Variants in SZT2 observed in about 807,000 individuals in gnomAD.
The protein encoded by SZT2 is KICSTOR complex protein SZT2.
SZT2 carries 216 observed loss-of-function variants against 404.2 expected under a neutral mutation model. The ratio of observed to expected loss-of-function variants is 0.53; its 90% CI spans 0.48 to 0.60. SZT2 has a LOEUF of 0.60. SZT2 is among the 20% of genes least tolerant of loss of function. The pLI is 0.00. For missense variants in SZT2, 3,857 were observed against 4,459.2 expected (o/e 0.86, Z 3.85); for synonymous variants, 1,693 against 1,749.9 (o/e 0.97, Z 0.81).
intron 63 of SZT2, 36 bp from the exon 64 acceptor site, chr1:43,446,143 A>G (rs1267908923): frequency 2.5e-6 from 4 of 1,612,654 alleles, no homozygotes; most frequent in Non-Finnish European, 3.4e-6. Context: ...GAGGCTGGTG[A>G]GCCCCCAAAC....
In SZT2 at chr1:43,427,429, T is replaced by C. The variant is rs140788949; in HGVS notation, c.3582T>C (p.Ser1194=). ...CAAAGTCCCACGTCCCTGTCCTCAG[T>C]GTGACCCTGGCTAGTGGTAAGGCTG... ...KATKSHVPVL[S]VTLASDNAQN... The change falls in exon 25 of 72, where the codon AGT becomes AGC. Residue 1194 remains serine (S), a synonymous_variant. Coordinates refer to ENST00000634258, the MANE Select transcript of SZT2 (RefSeq NM_001365999.1). The C allele has an allele frequency of 9.1e-4, 1,470 of 1,612,982 alleles. 19 individuals carry two copies. The African/African-American group carries it at 0.018, about 20-fold the overall frequency.
In SZT2 at chr1:43,451,391, C is replaced by A; in HGVS notation, c.*911C>A. ...GTCCGGGTCCCTCCAGAGCTCCCTT[C>A]CCCAGGGCCACGCCTCACCTCGAGG... On this transcript the variant is annotated 3_prime_UTR_variant, in exon 72 of 72. Transcript: ENST00000634258. The A allele has an allele frequency of 6.2e-7, 1 of 1,611,974 alleles. No individual in the cohort carries two copies. Among genetic ancestry groups the A allele is most frequent in the Non-Finnish European group, 8.5e-7 (1 of 1,180,018 alleles).
intron 42 of SZT2, 37 bp downstream of exon 42, chr1:43,435,366 T>G: frequency 6.2e-7 from 1 of 1,610,802 alleles, no homozygotes; most frequent in Middle Eastern, 1.7e-4. Flanking sequence ...CACAAGGCAG[T>G]GCTGCCGCCC....
At position 43,431,976 on chromosome 1, in the gene SZT2, G is replaced by A. The variant is rs141172404; in HGVS notation, c.5274+75G>A. The A allele has an allele frequency of 1.2e-3, 1,916 of 1,552,946 alleles. 23 individuals are homozygous for A. In the African/African-American group the frequency reaches 0.023, roughly 18 times the overall value. On this transcript the variant is annotated intron_variant, in intron 36 of 71. Coordinates refer to ENST00000634258, the MANE Select transcript of SZT2 (RefSeq NM_001365999.1). ...CTGGGCCCCAGGCACAGGACTGGAA[G>A]GCCCTCTGTTAGTTCGAACTCATAG... is the stretch of plus-strand genomic sequence containing the variant.
intron 5 of SZT2, 140 bp from the exon 6 acceptor site, chr1:43,415,820 C>A (rs1404221013): frequency 2.1e-6 from 2 of 975,486 alleles, no homozygotes; most frequent in Non-Finnish European, 2.9e-6. Context: ...CAAGACTCAG[C>A]CGCATAGTAG....
chr1:43,443,092 G>A lies in SZT2; in HGVS notation c.8419+6G>A. The A allele has an allele frequency of 6.2e-7, 1 of 1,611,490 alleles. No homozygotes were observed. The highest frequency in any genetic ancestry group is 1.1e-5 in the South Asian group (1 of 90,844). ...CAAGATGGCAGAGCGCAGAGGTGAGGGTACTGGGCCAGGCAGCAGGGACAG... is the reference window on the plus strand; with the variant it reads ...CAAGATGGCAGAGCGCAGAGGTGAGAGTACTGGGCCAGGCAGCAGGGACAG... On this transcript the variant is annotated splice_donor_region_variant and intron_variant, in intron 59 of 71. Coordinates refer to ENST00000634258, the MANE Select transcript of SZT2 (RefSeq NM_001365999.1).
At position 43,419,925 on chromosome 1, in the gene SZT2, G is replaced by A. The variant is rs1476458091; in HGVS notation, c.1071G>A (p.Leu357=). 3 of 1,598,320 alleles carry A rather than the reference G, an allele frequency of 1.9e-6. No homozygotes were observed. Among genetic ancestry groups the A allele is most frequent in the East Asian group, 4.5e-5 (2 of 44,882 alleles). The part of the protein sequence containing the change: ...LYSFLRSGEA[L]NPEYYCGSQH... ...CCTTCCTGCGCAGTGGGGAAGCACT[G>A]AACCCTGAATATTACTGCGGTGAGA... The change falls in exon 8 of 72, where the codon CTG becomes CTA. Residue 357 remains leucine (L), a synonymous_variant. Coordinates refer to ENST00000634258, the MANE Select transcript of SZT2 (RefSeq NM_001365999.1).
chr1:43,451,958 T>C lies in SZT2; in HGVS notation c.*1478T>C, dbSNP rs1656483274. On this transcript the variant is annotated 3_prime_UTR_variant, in exon 72 of 72. Coordinates refer to ENST00000634258, the MANE Select transcript of SZT2 (RefSeq NM_001365999.1). The stretch of plus-strand genomic sequence containing the variant: ...ACCCTGCTGGGGCGTGTCCAGGAAG[T>C]ACTGGGGGTCAGTGATGCGGGTGTT... 1 of 1,612,258 alleles carries C rather than the reference T, an allele frequency of 6.2e-7. No individual in the cohort carries two copies.
intron 70 of SZT2, chr1:43,449,284 G>A (rs1177859363): frequency 1.2e-5 from 2 of 162,670 alleles, no homozygotes; most frequent in Non-Finnish European, 2.7e-5. Flanking sequence ...AGCCCACAGA[G>A]ATGGGCCCAG....
rs972433934 is a variant in SZT2 at position 43,429,713 on chromosome 1, G to A, written c.4177G>A (p.Glu1393Lys). 9 of 1,614,172 alleles carry A rather than the reference G, an allele frequency of 5.6e-6. No individual in the cohort carries two copies. The highest frequency in any genetic ancestry group is 1.6e-4 in the Middle Eastern group (1 of 6,062). ...ILASESSIET[E>K]DLSEPEFQST... ...ACCCCAACCATTCAGCATAGAGACC[G>A]AGGACCTAAGCGAGCCTGAGTTTCA... The change falls in exon 29 of 72, where the codon GAG becomes AAG. Residue 1393 changes from glutamate (E) to lysine (K), a missense_variant. Physicochemically the swap from Glu to Lys is moderately conservative, Grantham distance 56 (BLOSUM62 1). Transcript: ENST00000634258.
chr1:43,451,697 G>T lies in SZT2; in HGVS notation c.*1217G>T. ...TGTTTCCTGTCAGGTTCCCATCCAT[G>T]ATCTGCCAGTGGAATATGTCCTAGG... On this transcript the variant is annotated 3_prime_UTR_variant, in exon 72 of 72. Transcript: ENST00000634258. The T allele has an allele frequency of 1.2e-6, 2 of 1,614,184 alleles. No homozygotes were observed. The highest frequency in any genetic ancestry group is 1.7e-6 in the Non-Finnish European group (2 of 1,180,022).
Position 43,450,161 on chromosome 1 carries a change from T to G in SZT2, c.10145T>G (p.Leu3382Ter). 1 of 1,614,104 alleles carries G rather than the reference T, an allele frequency of 6.2e-7. No individual in the cohort carries two copies. Among genetic ancestry groups the G allele is most frequent in the Non-Finnish European group, 8.5e-7 (1 of 1,179,990 alleles). The change falls in exon 71 of 72, where the codon TTA becomes TGA. Residue 3382 changes from leucine (L) to a stop codon, truncating the protein, a stop_gained. Transcript: ENST00000634258. LOFTEE classifies it high-confidence loss of function. This position sits in a 1 kb window ranked among gnomAD's most constrained non-coding sequence, Gnocchi z 4.3. ...CFVLVFLDSH[L>*]GKTSLTVVFR... ...GTGCTAGTGTTTCTGGACTCCCACT[T>G]AGGAAAGACGGTAAGAACGAGTGGG...
In SZT2 at chr1:43,453,949, C is replaced by T; in HGVS notation, c.*3469C>T. 8.3e-7 allele frequency: 1 copy of T among 1,200,006 alleles called. No individual in the cohort carries two copies. Among genetic ancestry groups the T allele is most frequent in the African/African-American group, 1.6e-5 (1 of 62,974 alleles). 74.3% of individuals were successfully genotyped at this position (1,200,006 alleles called of 1,614,324 possible). ...AAGCGAAGTGCTGTAAAAACCCGGG[C>T]CTTCACGAAAAGCGCCTACGGTTAG... On this transcript the variant is annotated 3_prime_UTR_variant, in exon 72 of 72. Transcript: ENST00000634258.
chr1:43,421,942 G>C (rs533561573), intron 11 of SZT2, 141 bp from the exon 12 acceptor site: 11 of 871,882 alleles, frequency 1.3e-5, no homozygotes, highest in Non-Finnish European at 1.7e-5. Context: ...TTTTGCCTGT[G>C]CTTCAGGCTG....
chr1:43,390,739 A>C (rs839755), intron 1 of SZT2, among the ~76,000 whole-genome samples: 45,499 of 152,206 alleles, frequency 0.3, 7,565 homozygotes, highest in Middle Eastern at 0.41. Context: ...ACCTTACTCA[A>C]ATGCCACTCA....
At position 43,439,196 on chromosome 1, in the gene SZT2, G is replaced by A; in HGVS notation, c.6792+103G>A. ...TACCCCTATATGTACCTTTGCCCAT[G>A]GACCTGGGTACACCCATGCCCCCCC... On this transcript the variant is annotated intron_variant, in intron 48 of 71. Coordinates refer to ENST00000634258, the MANE Select transcript of SZT2 (RefSeq NM_001365999.1). This position sits in a 1 kb window ranked among gnomAD's most constrained non-coding sequence, Gnocchi z 4.2. 6.4e-7 allele frequency: 1 copy of A among 1,569,306 alleles called. No homozygotes were observed. The highest frequency in any genetic ancestry group is 8.7e-7 in the Non-Finnish European group (1 of 1,147,478).
chr1:43,451,929 T>C lies in SZT2; in HGVS notation c.*1449T>C, dbSNP rs189068123. The C allele has an allele frequency of 1.1e-5, 17 of 1,612,364 alleles. No homozygotes were observed. The highest frequency in any genetic ancestry group is 1.2e-5 in the Non-Finnish European group (14 of 1,178,822). ...GACAGAAGGAGAGACAGGGCTGGGG[T>C]CGTACCCTGCTGGGGCGTGTCCAGG... On this transcript the variant is annotated 3_prime_UTR_variant, in exon 72 of 72. Transcript: ENST00000634258.
At chr1:43,444,252 C>G (rs1477019239) in intron 62 of SZT2, among the ~76,000 whole-genome samples, 2 of 151,972 alleles carry the variant, frequency 1.3e-5, no homozygotes, top group Non-Finnish European at 2.9e-5. Flanking sequence ...GCACGCCACC[C>G]TGCTTGGCTA....
chr1:43,400,848 G>A (rs960499774), intron 1 of SZT2, among the ~76,000 whole-genome samples: 8 of 151,808 alleles, frequency 5.3e-5, no homozygotes, highest in African/African-American at 1.9e-4. Flanking sequence ...CTCCAGCCTG[G>A]GCAACAAAAG....
Sources: allele counts gnomAD v4.1 joint callset (sites outside exome capture counted in the v4.1 genomes callset), GRCh38; gene constraint gnomAD v4.1.1; non-coding constraint Gnocchi (gnomAD v3.1); transcripts MANE v1.5; gene names NCBI Gene and HGNC (gene_info 2026-07-23, HGNC 2026-07-21).